The following ASB1 variants were observed in gnomAD, a reference collection of about 807,000 sequenced individuals.
The protein encoded by ASB1 is ankyrin repeat and SOCS box protein 1.
Under a neutral mutation model 27.7 loss-of-function variants are expected in ASB1, and 18 were observed. The observed-to-expected ratio is 0.65, with a 90% CI of 0.45 to 0.96. ASB1 has a LOEUF of 0.96. Ranked by LOEUF, ASB1 falls within the 50% of genes least tolerant of loss-of-function variation. ASB1 has a pLI of 0.00. For synonymous variants in ASB1, 189 were observed against 187.6 expected, an observed-to-expected ratio of 1.01 and a Z score of -0.06; for missense variants, 397 against 451.7, an observed-to-expected ratio of 0.88 and a Z score of 1.10.
At position 238,444,590 on chromosome 2, in the gene ASB1, G is replaced by A. The variant is rs1429342763; in HGVS notation, c.743G>A (p.Cys248Tyr). 1 of 1,614,080 alleles carries A rather than the reference G, an allele frequency of 6.2e-7. No homozygotes were observed. The highest frequency in any genetic ancestry group is 8.5e-7 in the Non-Finnish European group (1 of 1,180,048). ...ATGGATGCTGTTCTGCGCCACGGCT[G>A]TGAGGCAGCCTTCGTGAGCCTGCTG... ...CVMDAVLRHG[C>Y]EAAFVSLLVE... Residue 248 changes from cysteine to tyrosine, a missense_variant, in exon 4 of 5, where the codon TGT becomes TAT. Coordinates refer to ENST00000264607, the MANE Select transcript of ASB1 (RefSeq NM_001040445.3).
At chr2:238,428,527 C>T (rs1434264104) in intron 1 of ASB1, among the ~76,000 whole-genome samples, 2 of 152,190 alleles carry the variant, frequency 1.3e-5, no homozygotes, top group Non-Finnish European at 2.9e-5. Flanking sequence ...GAACTCTAGA[C>T]CTCAGGTGAT....
chr2:238,440,492 G>A (rs1200419235), intron 3 of ASB1, among the ~76,000 whole-genome samples: 1 of 152,110 alleles, frequency 6.6e-6, no homozygotes, highest in Non-Finnish European at 1.5e-5. Context: ...TGCCTGTGTT[G>A]TCCTGTTGTC....
At chr2:238,445,405 T>C (rs768944061) in intron 4 of ASB1, among the ~76,000 whole-genome samples, 9 of 152,234 alleles carry the variant, frequency 5.9e-5, no homozygotes, top group Admixed American at 6.5e-5. Flanking sequence ...TTTCTAGGGT[T>C]CCTTACTCTC....
At chr2:238,437,313 C>T (rs1040251673) in intron 3 of ASB1, among the ~76,000 whole-genome samples, 27 of 152,140 alleles carry the variant, frequency 1.8e-4, no homozygotes, top group African/African-American at 6.3e-4. Flanking sequence ...CTCACTGCAA[C>T]CTCCGCCTCC....
chr2:238,434,475 G>T (rs1239040390), intron 2 of ASB1, among the ~76,000 whole-genome samples: 1 of 152,330 alleles, frequency 6.6e-6, no homozygotes, highest in East Asian at 1.9e-4. Context: ...CAGTGCGGTG[G>T]TAGAAGCAAT....
Position 238,450,446 on chromosome 2 carries a change from A to G in ASB1, c.*3935A>G, listed in dbSNP as rs914759885. 3.9e-5 allele frequency: 6 copies of G among 152,228 alleles called. No individual in the cohort carries two copies. Among genetic ancestry groups the G allele is most frequent in the African/African-American group, 7.2e-5 (3 of 41,462 alleles). 9.4% of individuals were successfully genotyped at this position (152,228 alleles called of 1,614,324 possible). ...GAAATGCTCTTGGTTGCAAAACAAA[A>G]TGTTGGTTGCTGTTTGTCAGCCCCA... On this transcript the variant is annotated 3_prime_UTR_variant, in exon 5 of 5. Coordinates refer to ENST00000264607, the MANE Select transcript of ASB1 (RefSeq NM_001040445.3).
intron 3 of ASB1, among the ~76,000 whole-genome samples, chr2:238,442,111 ATC>A (rs1371223755): frequency 6.7e-6 from 1 of 149,972 alleles, no homozygotes; most frequent in Non-Finnish European, 1.5e-5. Context: ...GTAGCTGTCC[ATC>A]TCTCTAAATT....
At chr2:238,428,582 C>G (rs926150073) in intron 1 of ASB1, among the ~76,000 whole-genome samples, 2 of 152,252 alleles carry the variant, frequency 1.3e-5, no homozygotes, top group Non-Finnish European at 2.9e-5. Flanking sequence ...CAGGCGGCAG[C>G]CACCACACTC....
At position 238,427,116 on chromosome 2, in the gene ASB1, G is replaced by A; in HGVS notation, c.46G>A (p.Ala16Thr). ...AGACGGGCGGGCAGGGCCGGGCTCC[G>A]CAGGTAACGTGCGCGCGGCCACTGG... Reference protein sequence around the residue: ...SPDGRAGPGSAGRNLKEWLRE... With the variant: ...SPDGRAGPGSTGRNLKEWLRE... Residue 16 changes from alanine (A) to threonine (T), a missense_variant, in exon 1 of 5, where the codon GCA becomes ACA. Coordinates refer to ENST00000264607, the MANE Select transcript of ASB1 (RefSeq NM_001040445.3). 2 of 1,252,540 alleles carry A rather than the reference G, an allele frequency of 1.6e-6. No homozygotes were observed. The highest frequency in any genetic ancestry group is 1.0e-6 in the Non-Finnish European group (1 of 999,186). The allele number at this position is 1,252,540 out of a possible 1,614,324, so 77.6% of individuals were successfully genotyped here. A position where few individuals can be genotyped will look rare whatever the true frequency, so the allele number is the denominator to read the frequency against.
intron 3 of ASB1, 45 bp from the exon 4 acceptor site, chr2:238,444,297 T>C (rs1255039244): frequency 1.3e-6 from 2 of 1,547,136 alleles, no homozygotes; most frequent in Middle Eastern, 1.7e-4. Context: ...CTGTGGGCTG[T>C]GGTCAGTCCC....
intron 3 of ASB1, among the ~76,000 whole-genome samples, chr2:238,439,317 G>A (rs982534554): frequency 6.6e-6 from 1 of 152,082 alleles, no homozygotes; most frequent in Non-Finnish European, 1.5e-5. Context: ...TGTAGTGGAA[G>A]CCTCGTTGTC....
rs978609288 is a variant in ASB1, at chr2:238,426,976, C to T, written c.-95C>T. Reference sequence around the variant, plus strand: ...GAAGCCGCGACCCCGACGCGCCCCCCATTGCCCTCGGCGCCGGAAGTGGTC... The same window carrying T: ...GAAGCCGCGACCCCGACGCGCCCCCTATTGCCCTCGGCGCCGGAAGTGGTC... On this transcript the variant is annotated 5_prime_UTR_variant, in exon 1 of 5. Coordinates refer to ENST00000264607, the MANE Select transcript of ASB1 (RefSeq NM_001040445.3). The T allele has an allele frequency of 4.6e-5, 47 of 1,017,450 alleles. No individual in the cohort carries two copies. The highest frequency in any genetic ancestry group is 6.8e-5 in the East Asian group (2 of 29,538). The allele number at this position is 1,017,450 out of a possible 1,614,324, so 63.0% of individuals were successfully genotyped here. A position where few individuals can be genotyped will look rare whatever the true frequency, so the allele number is the denominator to read the frequency against.
At chr2:238,436,687 T>G (rs1490936603) in intron 3 of ASB1, among the ~76,000 whole-genome samples, 2 of 152,112 alleles carry the variant, frequency 1.3e-5, no homozygotes, top group East Asian at 3.8e-4. Context: ...AATGTCAGAC[T>G]ACATTGTTGT....
rs1178753926 is a variant in ASB1 at position 238,448,739 on chromosome 2, C to CT, written c.*2230dup. The CT allele has an allele frequency of 6.6e-6, 1 of 152,438 alleles. No individual in the cohort carries two copies. The highest frequency in any genetic ancestry group is 1.5e-5 in the Non-Finnish European group (1 of 68,240). The allele number at this position is 152,438 out of a possible 1,614,324, so 9.4% of individuals were successfully genotyped here. A position where few individuals can be genotyped will look rare whatever the true frequency, so the allele number is the denominator to read the frequency against. ...CCATGCGTGAGTGTGGTGGTGTGAC[C>CT]TTCAGGCTGCACAGAGGCAAGGACC... On this transcript the variant is annotated 3_prime_UTR_variant, in exon 5 of 5. Coordinates refer to ENST00000264607, the MANE Select transcript of ASB1 (RefSeq NM_001040445.3).
chr2:238,451,534 G>A lies in ASB1; in HGVS notation c.*5023G>A, dbSNP rs2106414043. The A allele has an allele frequency of 6.5e-6, 1 of 152,814 alleles. No individual in the cohort carries two copies. Among genetic ancestry groups the A allele is most frequent in the South Asian group, 2.1e-4 (1 of 4,822 alleles). 9.5% of individuals were successfully genotyped at this position (152,814 alleles called of 1,614,324 possible). On this transcript the variant is annotated 3_prime_UTR_variant, in exon 5 of 5. Coordinates refer to ENST00000264607, the MANE Select transcript of ASB1 (RefSeq NM_001040445.3). Reference sequence around the variant, plus strand: ...GGCATGTGAGGCATGACTTGGAGGGGGGCCTGGTGCCTGGGGACCTGCTGA... The same window carrying A: ...GGCATGTGAGGCATGACTTGGAGGGAGGCCTGGTGCCTGGGGACCTGCTGA...
chr2:238,447,752 CTG>C lies in ASB1; in HGVS notation c.*1245_*1246del, dbSNP rs1167730206. On this transcript the variant is annotated 3_prime_UTR_variant, in exon 5 of 5. Transcript: ENST00000264607. The stretch of plus-strand genomic sequence containing the variant: ...ATTTAGGAAGGCGCAGATTTCAAAT[CTG>C]TGTTTGATTTTCTGTAATAAGAGAA... 1 of 152,264 alleles carries C rather than the reference CTG, an allele frequency of 6.6e-6. No individual in the cohort carries two copies. Among genetic ancestry groups the C allele is most frequent in the East Asian group, 1.9e-4 (1 of 5,204 alleles). The allele number at this position is 152,264 out of a possible 1,614,324, so 9.4% of individuals were successfully genotyped here. A position where few individuals can be genotyped will look rare whatever the true frequency, so the allele number is the denominator to read the frequency against.
At chr2:238,443,238 C>A (rs537497132) in intron 3 of ASB1, among the ~76,000 whole-genome samples, 5 of 152,186 alleles carry the variant, frequency 3.3e-5, no homozygotes, top group African/African-American at 1.2e-4. Context: ...AGTAGTTTAT[C>A]ATTTTTGTTA....
Position 238,446,743 on chromosome 2 carries a change from C to G in ASB1, c.*232C>G. 4 of 517,722 alleles carry G rather than the reference C, an allele frequency of 7.7e-6. No individual in the cohort carries two copies. Among genetic ancestry groups the G allele is most frequent in the South Asian group, 2.1e-5 (1 of 47,930 alleles). 32.1% of individuals were successfully genotyped at this position (517,722 alleles called of 1,614,324 possible). ...TATTGTTTTTCCCAAGTTCTCTGTTCTGGATTTTCAGTTGCATATTAATGT... is the reference window on the plus strand; with the variant it reads ...TATTGTTTTTCCCAAGTTCTCTGTTGTGGATTTTCAGTTGCATATTAATGT... On this transcript the variant is annotated 3_prime_UTR_variant, in exon 5 of 5. Coordinates refer to ENST00000264607, the MANE Select transcript of ASB1 (RefSeq NM_001040445.3).
chr2:238,433,776 A>C (rs1273809230), intron 2 of ASB1, 81 bp downstream of exon 2: 3 of 1,505,310 alleles, frequency 2.0e-6, no homozygotes, highest in Non-Finnish European at 1.8e-6. Flanking sequence ...GTCGCTGTGC[A>C]GATGAAGACC....
Sources: gnomAD v4.1 joint callset for allele counts (sites outside exome capture counted in the v4.1 genomes callset) on GRCh38, gnomAD v4.1.1 for gene constraint, MANE v1.5 for transcripts, NCBI Gene and HGNC (gene_info 2026-07-23, HGNC 2026-07-21) for gene names.